MACROD2: variants seen among roughly 807,000 people sequenced by gnomAD.
The protein encoded by MACROD2 is ADP-ribose glycohydrolase MACROD2.
MACROD2 carries 36 observed loss-of-function variants against 70.4 expected under a neutral mutation model. The ratio of observed to expected loss-of-function variants is 0.51; its 90% CI spans 0.39 to 0.68. The LOEUF is 0.68. MACROD2 is among the 30% of genes least tolerant of loss of function. The pLI, the probability that MACROD2 is intolerant of heterozygous loss-of-function variation, is 0.00. For missense variants in MACROD2, 496 were observed against 538.4 expected, an observed-to-expected ratio of 0.92 and a Z score of 0.78; for synonymous variants, 172 against 178.8, an observed-to-expected ratio of 0.96 and a Z score of 0.30.
At chr20:14,527,727 A>G (rs1475683370) in intron 4 of MACROD2, among the ~76,000 whole-genome samples, 1 of 152,150 alleles carries the variant, frequency 6.6e-6, no homozygotes, top group Non-Finnish European at 1.5e-5. Flanking sequence ...TGTCTAGAAA[A>G]CTATTTCTTA....
intron 5 of MACROD2, among the ~76,000 whole-genome samples, chr20:15,003,862 T>C (rs2075015140): frequency 6.6e-6 from 1 of 152,178 alleles, no homozygotes; most frequent in Non-Finnish European, 1.5e-5. Flanking sequence ...ACTTCACTAT[T>C]GTAGAACCTA....
At chr20:14,544,607 T>C (rs923637830) in intron 4 of MACROD2, among the ~76,000 whole-genome samples, 1 of 152,172 alleles carries the variant, frequency 6.6e-6, no homozygotes, top group African/African-American at 2.4e-5. Context: ...CCATTTGAGT[T>C]GCTTGAGAAT....
intron 3 of MACROD2, among the ~76,000 whole-genome samples, chr20:14,303,160 T>C (rs1007523764): frequency 2.0e-5 from 3 of 152,146 alleles, no homozygotes; most frequent in Admixed American, 6.5e-5. Flanking sequence ...AGAGAACTTA[T>C]CTTTTCAATT....
intron 9 of MACROD2, among the ~76,000 whole-genome samples, chr20:15,876,771 A>C (rs866323150): frequency 3.9e-5 from 6 of 152,054 alleles, no homozygotes; most frequent in Admixed American, 1.3e-4. Flanking sequence ...CGTCTCCAGC[A>C]CCTGTTGTTT....
chr20:14,017,606 G>C (rs569986324), intron 2 of MACROD2, among the ~76,000 whole-genome samples: 1 of 152,122 alleles, frequency 6.6e-6, no homozygotes, highest in South Asian at 2.1e-4. Context: ...CTTCATGTTG[G>C]AGTATTACAT....
intron 6 of MACROD2, among the ~76,000 whole-genome samples, chr20:15,429,460 A>G (rs944907719): frequency 7.9e-5 from 12 of 152,166 alleles, no homozygotes; most frequent in African/African-American, 2.4e-4. Context: ...ATCATTTTAC[A>G]GACATACAGT....
chr20:15,786,264 A>G (rs561320138), intron 8 of MACROD2, among the ~76,000 whole-genome samples: 9 of 152,082 alleles, frequency 5.9e-5, no homozygotes, highest in Non-Finnish European at 1.3e-4. Context: ...GTTGCTCAGA[A>G]CAAGTGGAAG....
At chr20:15,779,517 A>G (rs2051793273) in intron 8 of MACROD2, among the ~76,000 whole-genome samples, 1 of 152,176 alleles carries the variant, frequency 6.6e-6, no homozygotes, top group Non-Finnish European at 1.5e-5. Context: ...AGCAGCAGGA[A>G]AAGAGTTCTC....
At chr20:15,461,006 A>ATATATTTTTTTTTTTT in intron 7 of MACROD2, among the ~76,000 whole-genome samples, 6 of 67,012 alleles carry the variant, frequency 9.0e-5, no homozygotes, top group East Asian at 6.1e-4. Context: ...ATATATATAT[A>ATATATTTTTTTTTTTT]TTTTTTTTTA....
intron 8 of MACROD2, among the ~76,000 whole-genome samples, chr20:15,687,262 G>T (rs1282514144): frequency 1.3e-5 from 2 of 149,160 alleles, no homozygotes; most frequent in African/African-American, 2.5e-5. Context: ...AAAGATCACT[G>T]TGAGTATTGA....
intron 6 of MACROD2, among the ~76,000 whole-genome samples, chr20:15,310,528 A>T (rs1264616790): frequency 6.6e-6 from 1 of 152,322 alleles, no homozygotes; most frequent in South Asian, 2.1e-4. Flanking sequence ...TGACTATAGT[A>T]AAAAAGAGAA....
intron 4 of MACROD2, among the ~76,000 whole-genome samples, chr20:14,589,112 T>C (rs1981587009): frequency 6.6e-6 from 1 of 152,156 alleles, no homozygotes; most frequent in Non-Finnish European, 1.5e-5. Context: ...GATGTTTAAA[T>C]TGTATTATTT....
intron 6 of MACROD2, among the ~76,000 whole-genome samples, chr20:15,340,543 G>A (rs1482843882): frequency 1.3e-5 from 2 of 152,080 alleles, no homozygotes; most frequent in Non-Finnish European, 2.9e-5. Context: ...CCAGAGCCCT[G>A]CAAGAGATAA....
intron 9 of MACROD2, among the ~76,000 whole-genome samples, chr20:15,879,078 G>A (rs1031530585): frequency 3.3e-5 from 5 of 152,116 alleles, no homozygotes; most frequent in African/African-American, 7.2e-5. Flanking sequence ...GGGAAGGAAA[G>A]GGGATTTTTC....
At chr20:14,917,366 A>G (rs2074104871) in intron 5 of MACROD2, among the ~76,000 whole-genome samples, 1 of 152,040 alleles carries the variant, frequency 6.6e-6, no homozygotes, top group African/African-American at 2.4e-5. Context: ...GTGTGAAGGC[A>G]GCTGATTGTT....
intron 10 of MACROD2, chr20:15,893,132 G>A: frequency 2.5e-6 from 1 of 399,524 alleles, no homozygotes. Flanking sequence ...ATATCACAGA[G>A]AAATTCTTTT....
intron 3 of MACROD2, among the ~76,000 whole-genome samples, chr20:14,386,602 C>A (rs1350567982): frequency 6.6e-6 from 1 of 151,790 alleles, no homozygotes; most frequent in Non-Finnish European, 1.5e-5. Flanking sequence ...CTCTCTCTTT[C>A]TCTCTCTCTC....
At chr20:15,740,361 A>G (rs1204803133) in intron 8 of MACROD2, among the ~76,000 whole-genome samples, 2 of 152,186 alleles carry the variant, frequency 1.3e-5, no homozygotes, top group South Asian at 2.1e-4. Flanking sequence ...TGTTATTACT[A>G]TCTATAGCAG....
intron 8 of MACROD2, among the ~76,000 whole-genome samples, chr20:15,526,359 T>C (rs973752144): frequency 3.3e-5 from 5 of 152,132 alleles, no homozygotes; most frequent in South Asian, 2.1e-4. Flanking sequence ...ATAGTTCAGG[T>C]ATAACATAAA....
Sources: gnomAD v4.1 joint callset for allele counts (sites outside exome capture counted in the v4.1 genomes callset) on GRCh38, gnomAD v4.1.1 for gene constraint, MANE v1.5 for transcripts, NCBI Gene and HGNC (gene_info 2026-07-23, HGNC 2026-07-21) for gene names.